Variants in PIK3C2G observed in about 807,000 individuals in gnomAD.
The protein encoded by PIK3C2G is phosphatidylinositol 3-kinase C2 domain-containing subunit gamma.
In PIK3C2G, 168 loss-of-function variants were observed where a neutral mutation model predicts 181.1. That is an observed-to-expected ratio of 0.93 (90% CI 0.82 to 1.05). The LOEUF is 1.05. Among genes scored for constraint, PIK3C2G ranks in the 50% least tolerant of loss-of-function variants. The probability of loss-of-function intolerance (pLI) is 0.00; values close to 1 mark genes in which losing one functional copy is unlikely to be tolerated. For missense variants in PIK3C2G, 1,869 were observed against 1,732.8 expected (o/e 1.08, Z -1.40); for synonymous variants, 573 against 592.2 (o/e 0.97, Z 0.47).
intron 26 of PIK3C2G, among the ~76,000 whole-genome samples, chr12:18,548,131 G>A (rs893256541): frequency 1.3e-5 from 2 of 151,938 alleles, no homozygotes; most frequent in African/African-American, 4.8e-5. Context: ...CCCCCTGAGG[G>A]TATCCCTTCA....
chr12:18,705,372 C>A, the PIK3C2G span: 1 of 1,585,644 alleles, frequency 6.3e-7, no homozygotes, highest in Non-Finnish European at 8.7e-7. Flanking sequence ...AATTGTAAGG[C>A]AATTAATATA....
intron 18 of PIK3C2G, among the ~76,000 whole-genome samples, chr12:18,433,656 T>A (rs1946289782): frequency 1.3e-5 from 2 of 152,264 alleles, no homozygotes; most frequent in Non-Finnish European, 2.9e-5. Flanking sequence ...TTTCAGCACC[T>A]ATTTCATAAA....
At chr12:18,272,426 A>G (rs1948782693) in intron 1 of PIK3C2G, among the ~76,000 whole-genome samples, 2 of 152,120 alleles carry the variant, frequency 1.3e-5, no homozygotes, top group Non-Finnish European at 2.9e-5. Context: ...TCTTCTTGTG[A>G]TATTAGCAGT....
chr12:18,323,251 A>G (rs1951189230), intron 7 of PIK3C2G, among the ~76,000 whole-genome samples: 1 of 152,132 alleles, frequency 6.6e-6, no homozygotes. Context: ...TAGAGGAAAC[A>G]TGTCTGGGAC....
At chr12:18,446,927 G>A (rs764573047) in intron 18 of PIK3C2G, among the ~76,000 whole-genome samples, 1 of 151,910 alleles carries the variant, frequency 6.6e-6, no homozygotes, top group Non-Finnish European at 1.5e-5. Context: ...TGCCACACAC[G>A]CTATAAAATA....
At chr12:18,720,528 A>G in the PIK3C2G span, among the ~76,000 whole-genome samples, 2 of 151,644 alleles carry the variant, frequency 1.3e-5, no homozygotes, top group Non-Finnish European at 2.9e-5. Flanking sequence ...TTAACTTGTT[A>G]TATGATCTTG....
chr12:18,304,963 A>G (rs1950358782), intron 5 of PIK3C2G, among the ~76,000 whole-genome samples: 1 of 152,230 alleles, frequency 6.6e-6, no homozygotes, highest in South Asian at 2.1e-4. Context: ...ATAGAAAGGA[A>G]CATATCATAA....
intron 18 of PIK3C2G, among the ~76,000 whole-genome samples, chr12:18,464,048 G>C (rs1407715998): frequency 6.6e-6 from 1 of 152,048 alleles, no homozygotes; most frequent in Non-Finnish European, 1.5e-5. Flanking sequence ...TCCCCAGAAT[G>C]ATCTGTACTA....
intron 15 of PIK3C2G, among the ~76,000 whole-genome samples, chr12:18,399,333 T>A: frequency 6.6e-6 from 1 of 151,400 alleles, no homozygotes; most frequent in Non-Finnish European, 1.5e-5. Flanking sequence ...TCAGAAAAAC[T>A]TGGTTTTCCC....
chr12:18,270,925 T>C (rs1948720516), intron 1 of PIK3C2G, among the ~76,000 whole-genome samples: 1 of 152,208 alleles, frequency 6.6e-6, no homozygotes, highest in East Asian at 1.9e-4. Flanking sequence ...TTGTAAAATA[T>C]ACAGTGGGAC....
At position 18,546,303 on chromosome 12, in the gene PIK3C2G, T is replaced by G. The variant is rs750282521; in HGVS notation, c.3481-20T>G. The G allele has an allele frequency of 7.3e-7, 1 of 1,361,644 alleles. No homozygotes were observed. The highest frequency in any genetic ancestry group is 2.4e-5 in the East Asian group (1 of 42,182). 84.3% of individuals were successfully genotyped at this position (1,361,644 alleles called of 1,614,324 possible). Reference sequence around the variant, plus strand: ...TTATTCTGTCTTCTTTTTGCTTTGCTTGTTCTTGTTGTGGTTAAGATGCTG... The same window carrying G: ...TTATTCTGTCTTCTTTTTGCTTTGCGTGTTCTTGTTGTGGTTAAGATGCTG... On this transcript the variant is annotated intron_variant, in intron 25 of 32. Coordinates refer to ENST00000538779, the MANE Select transcript of PIK3C2G (RefSeq NM_001288772.2).
chr12:18,658,136 A>T, the PIK3C2G span, among the ~76,000 whole-genome samples: 1 of 152,170 alleles, frequency 6.6e-6, no homozygotes, highest in African/African-American at 2.4e-5. Context: ...GTTCATTGAG[A>T]TTTCCTAATC....
intron 30 of PIK3C2G, among the ~76,000 whole-genome samples, chr12:18,602,744 C>T (rs186537785): frequency 5.6e-4 from 86 of 152,280 alleles, no homozygotes; most frequent in African/African-American, 1.9e-3. Flanking sequence ...CAGGTAGGCT[C>T]ACTGGGTGAA....
chr12:18,683,438 A>C, the PIK3C2G span: 4 of 1,432,354 alleles, frequency 2.8e-6, no homozygotes, highest in Admixed American at 7.6e-5. Flanking sequence ...AACCATGACT[A>C]TAGAGTTATA....
At chr12:18,537,570 A>G (rs1337872891) in intron 24 of PIK3C2G, among the ~76,000 whole-genome samples, 1 of 152,068 alleles carries the variant, frequency 6.6e-6, no homozygotes, top group African/African-American at 2.4e-5. Flanking sequence ...TACTTACATA[A>G]TGATATGGTC....
chr12:18,616,343 C>A (rs1948607280), intron 31 of PIK3C2G, among the ~76,000 whole-genome samples: 1 of 151,982 alleles, frequency 6.6e-6, no homozygotes, highest in African/African-American at 2.4e-5. Flanking sequence ...ATTAAATAAG[C>A]AAATGTTTGC....
chr12:18,449,721 G>T (rs1024317405), intron 18 of PIK3C2G, among the ~76,000 whole-genome samples: 8 of 152,122 alleles, frequency 5.3e-5, no homozygotes, highest in Admixed American at 1.3e-4. Context: ...ATTTGGGTTG[G>T]TTCCAAGTTT....
intron 31 of PIK3C2G, among the ~76,000 whole-genome samples, chr12:18,618,253 G>A (rs929274615): frequency 2.6e-5 from 4 of 152,084 alleles, no homozygotes; most frequent in Non-Finnish European, 4.4e-5. Flanking sequence ...ACCAAGAAAC[G>A]TGGCCTGTGT....
At chr12:18,301,314 A>G (rs1950167037) in intron 5 of PIK3C2G, among the ~76,000 whole-genome samples, 1 of 152,162 alleles carries the variant, frequency 6.6e-6, no homozygotes, top group African/African-American at 2.4e-5. Context: ...GCCTTTGCCC[A>G]TCTCCACTCT....
Sources: allele counts gnomAD v4.1 joint callset (sites outside exome capture counted in the v4.1 genomes callset), GRCh38; gene constraint gnomAD v4.1.1; transcripts MANE v1.5; gene names NCBI Gene and HGNC (gene_info 2026-07-23, HGNC 2026-07-21).